The following FAM114A1 variants were observed in gnomAD, a reference collection of about 807,000 sequenced individuals.
The protein encoded by FAM114A1 is protein NOXP20.
Under a neutral mutation model 64.3 loss-of-function variants are expected in FAM114A1, and 62 were observed. The ratio of observed to expected loss-of-function variants is 0.96; its 90% CI spans 0.79 to 1.19. The LOEUF (loss-of-function observed/expected upper bound fraction) is 1.19, where lower values mean the gene tolerates loss of function less well. Among genes scored for constraint, FAM114A1 ranks in the 50% most tolerant of loss-of-function variants. The probability of loss-of-function intolerance (pLI) is 0.00; values close to 1 mark genes in which losing one functional copy is unlikely to be tolerated. For synonymous variants in FAM114A1, 254 were observed against 251.1 expected (o/e 1.01, Z -0.11); for missense variants, 645 against 676.3 (o/e 0.95, Z 0.51).
intron 6 of FAM114A1, 113 bp downstream of exon 6, chr4:38,905,974 C>T: frequency 1.1e-6 from 1 of 895,066 alleles, no homozygotes; most frequent in Non-Finnish European, 1.6e-6. Context: ...TTGCTCAGAA[C>T]TTTGGATTAT....
intron 2 of FAM114A1, among the ~76,000 whole-genome samples, chr4:38,877,196 C>T (rs1039766414): frequency 4.6e-5 from 7 of 152,066 alleles, no homozygotes; most frequent in Admixed American, 1.3e-4. Context: ...GAAAGGGGTG[C>T]GGGGGAGATG....
intron 13 of FAM114A1, among the ~76,000 whole-genome samples, chr4:38,936,056 T>G (rs1245371071): frequency 6.6e-6 from 1 of 151,852 alleles, no homozygotes; most frequent in East Asian, 1.9e-4. Context: ...ATTTTCTTTG[T>G]TTTTGTTTGT....
At chr4:38,936,276 A>G (rs1324140867) in intron 13 of FAM114A1, among the ~76,000 whole-genome samples, 2 of 150,954 alleles carry the variant, frequency 1.3e-5, no homozygotes, top group East Asian at 2.0e-4. Flanking sequence ...TTATATTTTT[A>G]GTAGAGACAG....
chr4:38,924,531 C>G (rs1158082198), intron 9 of FAM114A1, among the ~76,000 whole-genome samples: 1 of 152,118 alleles, frequency 6.6e-6, no homozygotes. Context: ...ATTTAGACAC[C>G]CTTTCCCTCT....
At chr4:38,885,110 G>T (rs1169998351) in intron 3 of FAM114A1, among the ~76,000 whole-genome samples, 1 of 152,026 alleles carries the variant, frequency 6.6e-6, no homozygotes, top group Non-Finnish European at 1.5e-5. Context: ...GAGTAGCTGG[G>T]ACTACCGGCA....
chr4:38,923,642 G>A (rs918531697), intron 9 of FAM114A1, among the ~76,000 whole-genome samples: 2 of 152,062 alleles, frequency 1.3e-5, no homozygotes, highest in African/African-American at 2.4e-5. Flanking sequence ...TAATTTATAG[G>A]TGTAAGAGTT....
At chr4:38,917,337 CAA>C (rs57914020) in intron 8 of FAM114A1, among the ~76,000 whole-genome samples, 6 of 133,460 alleles carry the variant, frequency 4.5e-5, no homozygotes, top group Admixed American at 7.6e-5. Context: ...GACTCTGTCT[CAA>C]AAAAAAAAAG....
chr4:38,917,748 C>T (rs114934141), intron 8 of FAM114A1, among the ~76,000 whole-genome samples: 2,459 of 152,230 alleles, frequency 0.016, 59 homozygotes, highest in African/African-American at 0.056. Context: ...TGGAAAAGAG[C>T]CCCCAAGGAC....
intron 9 of FAM114A1, among the ~76,000 whole-genome samples, chr4:38,927,011 T>A (rs1190382718): frequency 6.6e-6 from 1 of 152,162 alleles, no homozygotes; most frequent in Non-Finnish European, 1.5e-5. Flanking sequence ...CTCTGCCTCC[T>A]CCCTGCGCAC....
chr4:38,905,947 T>A, intron 6 of FAM114A1, 86 bp downstream of exon 6: 1 of 1,181,592 alleles, frequency 8.5e-7, no homozygotes, highest in Non-Finnish European at 1.2e-6. Flanking sequence ...CCTAGATACA[T>A]CAGAGAAACG....
Position 38,935,740 on chromosome 4 carries a change from G to T in FAM114A1, c.1486G>T (p.Glu496Ter), listed in dbSNP as rs775661169. Residue 496 changes from glutamate (E) to a stop codon, truncating the protein, a stop_gained, in exon 13 of 15, where the codon GAA (glutamate) becomes TAA (stop). Coordinates refer to ENST00000358869, the MANE Select transcript of FAM114A1 (RefSeq NM_138389.4). LOFTEE classifies it high-confidence loss of function. Reference sequence around the variant, plus strand: ...CAGATTAACTACTGCAATGTGCAATGAAGTGGCCTCTTTATCAAAGAAGTT... The same window carrying T: ...CAGATTAACTACTGCAATGTGCAATTAAGTGGCCTCTTTATCAAAGAAGTT... ...LIKLTTAMCN[E>*]VASLSKKFTN... The T allele has an allele frequency of 1.2e-6, 2 of 1,609,212 alleles. No homozygotes were observed. The highest frequency in any genetic ancestry group is 1.7e-5 in the Admixed American group (1 of 59,848).
Position 38,888,930 on chromosome 4 carries a change from AT to A in FAM114A1, c.349-2807del, listed in dbSNP as rs368222791. On this transcript the variant is annotated intron_variant, in intron 3 of 14. Coordinates refer to ENST00000358869, the MANE Select transcript of FAM114A1 (RefSeq NM_138389.4). ...GATATATTTATAATTCATGCTTAAC[AT>A]TTTTTATATTAAATATGTGTATTTA... 3.5e-3 allele frequency among the ~76,000 whole-genome samples: 528 copies of A among 152,322 alleles called. 2 individuals carry two copies. Among genetic ancestry groups the A allele is most frequent in the South Asian group, 0.024 (116 of 4,824 alleles).
intron 3 of FAM114A1, among the ~76,000 whole-genome samples, chr4:38,883,141 A>C (rs893812430): frequency 6.6e-6 from 1 of 152,150 alleles, no homozygotes; most frequent in African/African-American, 2.4e-5. Context: ...GCATCATGAC[A>C]CAATGCATTA....
intron 7 of FAM114A1, among the ~76,000 whole-genome samples, chr4:38,909,873 C>T (rs1225902594): frequency 3.3e-5 from 5 of 152,148 alleles, no homozygotes; most frequent in African/African-American, 4.8e-5. Flanking sequence ...ATGAGCACTC[C>T]GATGTTATAG....
intron 9 of FAM114A1, among the ~76,000 whole-genome samples, chr4:38,926,069 T>C (rs1418380142): frequency 1.3e-5 from 2 of 152,264 alleles, no homozygotes; most frequent in Non-Finnish European, 2.9e-5. Flanking sequence ...CAAAACACTT[T>C]CACGTTTGTT....
intron 7 of FAM114A1, among the ~76,000 whole-genome samples, chr4:38,910,646 G>A (rs2109699049): frequency 6.6e-6 from 1 of 152,312 alleles, no homozygotes; most frequent in Non-Finnish European, 1.5e-5. Flanking sequence ...TAGTGAGGGG[G>A]CCTTGGGCAG....
chr4:38,942,095 A>G (rs1012536338), intron 14 of FAM114A1, among the ~76,000 whole-genome samples: 3 of 152,178 alleles, frequency 2.0e-5, no homozygotes, highest in Admixed American at 2.0e-4. Flanking sequence ...AGACTTACTC[A>G]CTATTACAAG....
Position 38,932,253 on chromosome 4 carries a change from A to G in FAM114A1, c.1342A>G (p.Ile448Val), listed in dbSNP as rs770777795. The G allele has an allele frequency of 1.4e-5, 22 of 1,606,580 alleles. No homozygotes were observed. Among genetic ancestry groups the G allele is most frequent in the East Asian group, 4.5e-5 (2 of 44,854 alleles). The stretch of plus-strand genomic sequence containing the variant: ...ATTTCAGGAAGTATACATGTCGTCC[A>G]TTGAAAGTCTGGCGGAGGTAACAGC... ...KTIEEVYMSS[I>V]ESLAEVTARC... Residue 448 changes from isoleucine to valine, a missense_variant, in exon 12 of 15, where the codon ATT (isoleucine) becomes GTT (valine). By Grantham distance (29) the Ile-to-Val change is conservative. Coordinates refer to ENST00000358869, the MANE Select transcript of FAM114A1 (RefSeq NM_138389.4).
intron 9 of FAM114A1, 200 bp from the exon 10 acceptor site, chr4:38,929,042 G>T: frequency 1.8e-6 from 1 of 545,948 alleles, no homozygotes; most frequent in South Asian, 1.9e-5. Context: ...AGACTTCAGC[G>T]GCCCTGCACC....
Sources: allele counts gnomAD v4.1 joint callset (sites outside exome capture counted in the v4.1 genomes callset), GRCh38; gene constraint gnomAD v4.1.1; transcripts MANE v1.5; gene names NCBI Gene and HGNC (gene_info 2026-07-23, HGNC 2026-07-21).